CCDC87: variants seen among roughly 807,000 people sequenced by gnomAD.
CCDC87 encodes coiled-coil domain containing 87, also known as coiled-coil domain-containing protein 87.
For missense variants in CCDC87, 1,072 were observed against 1,041.7 expected (o/e 1.03, Z -0.40); for synonymous variants, 434 against 440.2 (o/e 0.99, Z 0.18).
rs150176794 is a variant in CCDC87 at position 66,592,735 on chromosome 11, C to G, written c.281G>C (p.Ser94Thr). The stretch of plus-strand genomic sequence containing the variant: ...AAGTTCGGCGGGCGGCTCCCGCCAG[C>G]TGCACTTCAGCTCGTCCAGGATGAC... ...IKVILDELKC[S>T]WREPPAELSL... is the part of the protein sequence containing the mutation. Residue 94 changes from serine (S) to threonine (T), a missense_variant, in exon 1 of 1, where the codon AGC (serine) becomes ACC (threonine). By Grantham distance (58) the Ser-to-Thr change is moderately conservative. Transcript: ENST00000333861. 12 of 1,613,850 alleles carry G rather than the reference C, an allele frequency of 7.4e-6. No homozygotes were observed. The highest frequency in any genetic ancestry group is 1.3e-5 in the African/African-American group (1 of 74,956).
Position 66,590,710 on chromosome 11 carries a change from C to G in CCDC87, c.2306G>C (p.Arg769Pro), listed in dbSNP as rs754322153. Residue 769 changes from arginine to proline, a missense_variant, in exon 1 of 1, where the codon CGA becomes CCA. Arg to Pro is a moderately radical substitution (Grantham distance 103). Transcript: ENST00000333861. ...GTTGAGCTTCCTGTGGAGATGGCTTCGGACCTGATTCTCCTCCAGGAAGTG... is the reference window on the plus strand; with the variant it reads ...GTTGAGCTTCCTGTGGAGATGGCTTGGGACCTGATTCTCCTCCAGGAAGTG... ...SSHFLEENQV[R>P]SHLHRKLNLM... is the part of the protein sequence containing the mutation. 6.2e-7 allele frequency: 1 copy of G among 1,613,852 alleles called. No individual in the cohort carries two copies.
Position 66,591,029 on chromosome 11 carries a change from G to A in CCDC87, c.1987C>T (p.Leu663=), listed in dbSNP as rs545124221. ...WDWNTVLEHR[L]GAGKTPHLGE... Reference sequence around the variant, plus strand: ...AGGTGGGGTGTCTTCCCAGCTCCTAGCCTGTGCTCTAGCACAGTGTTCCAA... The same window carrying A: ...AGGTGGGGTGTCTTCCCAGCTCCTAACCTGTGCTCTAGCACAGTGTTCCAA... The change falls in exon 1 of 1, where the codon CTA becomes TTA. Residue 663 remains leucine, a synonymous_variant. Coordinates refer to ENST00000333861, the MANE Select transcript of CCDC87 (RefSeq NM_018219.3). The A allele has an allele frequency of 8.7e-6, 14 of 1,614,112 alleles. No individual in the cohort carries two copies. The East Asian group carries it at 1.6e-4, about 18-fold the overall frequency.
At position 66,591,699 on chromosome 11, in the gene CCDC87, G is replaced by A. The variant is rs375306181; in HGVS notation, c.1317C>T (p.Val439=). Residue 439 remains valine (V), a synonymous_variant, in exon 1 of 1, where the codon GTC becomes GTT. Coordinates refer to ENST00000333861, the MANE Select transcript of CCDC87 (RefSeq NM_018219.3). ...VTITLKLRNE[V]VVQAAAVRVS... ...CCCGTACGGCAGCCGCCTGGACCACGACCTCATTTCTAAGCTTCAAAGTAA... is the reference window on the plus strand; with the variant it reads ...CCCGTACGGCAGCCGCCTGGACCACAACCTCATTTCTAAGCTTCAAAGTAA... 36 of 1,613,464 alleles carry A rather than the reference G, an allele frequency of 2.2e-5. No individual in the cohort carries two copies. In the East Asian group the frequency reaches 2.7e-4, roughly 12 times the overall value.
In CCDC87 at chr11:66,590,735, G is replaced by T. The variant is rs368730010; in HGVS notation, c.2281C>A (p.His761Asn). 1.9e-6 allele frequency: 3 copies of T among 1,613,350 alleles called. No homozygotes were observed. The highest frequency in any genetic ancestry group is 2.5e-6 in the Non-Finnish European group (3 of 1,180,040). ...FFKKTNLSSS[H>N]FLEENQVRSH... ...CGGACCTGATTCTCCTCCAGGAAGT[G>T]ACTGGAGCTCAAGTTGGTCTTTTTG... The change falls in exon 1 of 1, where the codon CAC becomes AAC. Residue 761 changes from histidine to asparagine, a missense_variant. His to Asn is a moderately conservative substitution (Grantham distance 68). Transcript: ENST00000333861.
In CCDC87 at chr11:66,590,358, C is replaced by T. The variant is rs1168502692; in HGVS notation, c.*108G>A. On this transcript the variant is annotated 3_prime_UTR_variant, in exon 1 of 1. Coordinates refer to ENST00000333861, the MANE Select transcript of CCDC87 (RefSeq NM_018219.3). ...CAGATATAGACAAATATTTCTTCTTCCAAAGCAGTAAAGAGGTCTAGATGA... is the reference window on the plus strand; with the variant it reads ...CAGATATAGACAAATATTTCTTCTTTCAAAGCAGTAAAGAGGTCTAGATGA... The T allele has an allele frequency of 3.7e-6, 3 of 800,186 alleles. No individual in the cohort carries two copies. Among genetic ancestry groups the T allele is most frequent in the Non-Finnish European group, 6.1e-6 (3 of 488,556 alleles). 49.6% of individuals were successfully genotyped at this position (800,186 alleles called of 1,614,324 possible).
rs1858353462 is a variant in CCDC87 at position 66,591,398 on chromosome 11, T to C, written c.1618A>G (p.Ile540Val). 2.5e-6 allele frequency: 4 copies of C among 1,614,124 alleles called. No homozygotes were observed. Among genetic ancestry groups the C allele is most frequent in the South Asian group, 1.1e-5 (1 of 91,084 alleles). Residue 540 changes from isoleucine (I) to valine (V), a missense_variant, in exon 1 of 1, where the codon ATC becomes GTC. Coordinates refer to ENST00000333861, the MANE Select transcript of CCDC87 (RefSeq NM_018219.3). ...AGTCCAACCAGCTCAGGGTTGATGA[T>C]TTGAGGCTGTTTTTCTTGACGTAGA... ...AFLRQEKQPQ[I>V]INPELVGLYS...
chr11:66,592,468 A>G lies in CCDC87; in HGVS notation c.548T>C (p.Leu183Pro). The G allele has an allele frequency of 6.2e-7, 1 of 1,613,912 alleles. No individual in the cohort carries two copies. The stretch of plus-strand genomic sequence containing the variant: ...ATCCCCAGAGGCCTGCTCTGCCCTC[A>G]GCAGGGCCTGGAAGTCGGCAAGCAG... Reference protein sequence around the residue: ...RGLLADFQALLRAEQASGDVD... With the variant: ...RGLLADFQALPRAEQASGDVD... Residue 183 changes from leucine (L) to proline (P), a missense_variant, in exon 1 of 1, where the codon CTG (leucine) becomes CCG (proline). Physicochemically the swap from Leu to Pro is moderately conservative, Grantham distance 98 (BLOSUM62 -3). Transcript: ENST00000333861.
Position 66,592,224 on chromosome 11 carries a change from G to C in CCDC87, c.792C>G (p.Phe264Leu). Reference sequence around the variant, plus strand: ...TCTTTCCTATGGAGGGCAGCCAGTGGAAAGGCTTTTTCCTCTTCAACCGAG... The same window carrying C: ...TCTTTCCTATGGAGGGCAGCCAGTGCAAAGGCTTTTTCCTCTTCAACCGAG... ...SIPRLKRKKPFHWLPSIGKKR... is the reference protein window; with the variant it reads ...SIPRLKRKKPLHWLPSIGKKR... Residue 264 changes from phenylalanine to leucine, a missense_variant, in exon 1 of 1, where the codon TTC becomes TTG. Physicochemically the swap from Phe to Leu is conservative, Grantham distance 22. Coordinates refer to ENST00000333861, the MANE Select transcript of CCDC87 (RefSeq NM_018219.3). 6.2e-7 allele frequency: 1 copy of C among 1,612,558 alleles called. No homozygotes were observed. The highest frequency in any genetic ancestry group is 8.5e-7 in the Non-Finnish European group (1 of 1,179,238).
Position 66,590,849 on chromosome 11 carries a change from G to A in CCDC87, c.2167C>T (p.Arg723Trp), listed in dbSNP as rs374530115. The A allele has an allele frequency of 4.2e-5, 68 of 1,613,692 alleles. No homozygotes were observed. The highest frequency in any genetic ancestry group is 9.9e-5 in the South Asian group (9 of 91,092). Reference sequence around the variant, plus strand: ...CGCAGCTGAATGGGCTTCAGGGCCCGCTCCCAGGCATTCACCAATGAAGGC... The same window carrying A: ...CGCAGCTGAATGGGCTTCAGGGCCCACTCCCAGGCATTCACCAATGAAGGC... ...QLPSLVNAWE[R>W]ALKPIQLREA... The change falls in exon 1 of 1, where the codon CGG (arginine) becomes TGG (tryptophan). Residue 723 changes from arginine (R) to tryptophan (W), a missense_variant. Arg to Trp is a moderately radical substitution (Grantham distance 101). Coordinates refer to ENST00000333861, the MANE Select transcript of CCDC87 (RefSeq NM_018219.3).
Position 66,591,979 on chromosome 11 carries a change from G to A in CCDC87, c.1037C>T (p.Pro346Leu), listed in dbSNP as rs139489472. ...AGCCACGATGAGCCCAGTCAGCTCTGGTTTGCTCTCTGTAGCCAAGACCAG... is the reference window on the plus strand; with the variant it reads ...AGCCACGATGAGCCCAGTCAGCTCTAGTTTGCTCTCTGTAGCCAAGACCAG... ...TPLVLATESK[P>L]ELTGLIVAED... The change falls in exon 1 of 1, where the codon CCA (proline) becomes CTA (leucine). Residue 346 changes from proline (P) to leucine (L), a missense_variant. Pro to Leu is a moderately conservative substitution (Grantham distance 98). Transcript: ENST00000333861. 356 of 1,613,776 alleles carry A rather than the reference G, an allele frequency of 2.2e-4. No individual in the cohort carries two copies. Among genetic ancestry groups the A allele is most frequent in the Middle Eastern group, 3.3e-4 (2 of 6,084 alleles).
Position 66,591,305 on chromosome 11 carries a change from C to T in CCDC87, c.1711G>A (p.Ala571Thr). ...GACCACTTCTCCCAGCTTTTGGTAG[C>T]TTGGAGTGATGGGAGGGAGGGCATC... ...KKMPSLPSLQATKSWEKWSNK... is the reference protein window; with the variant it reads ...KKMPSLPSLQTTKSWEKWSNK... Residue 571 changes from alanine to threonine, a missense_variant, in exon 1 of 1, where the codon GCT (alanine) becomes ACT (threonine). Transcript: ENST00000333861. The T allele has an allele frequency of 6.2e-7, 1 of 1,614,152 alleles. No homozygotes were observed. The highest frequency in any genetic ancestry group is 1.6e-4 in the Middle Eastern group (1 of 6,062).
At position 66,591,101 on chromosome 11, in the gene CCDC87, G is replaced by A; in HGVS notation, c.1915C>T (p.Pro639Ser). 6.2e-7 allele frequency: 1 copy of A among 1,614,120 alleles called. No homozygotes were observed. Among genetic ancestry groups the A allele is most frequent in the Non-Finnish European group, 8.5e-7 (1 of 1,180,034 alleles). The change falls in exon 1 of 1, where the codon CCA (proline) becomes TCA (serine). Residue 639 changes from proline (P) to serine (S), a missense_variant. Pro to Ser is a moderately conservative substitution (Grantham distance 74). Coordinates refer to ENST00000333861, the MANE Select transcript of CCDC87 (RefSeq NM_018219.3). ...RESLEIQHPPPLLEDEEPDFV... is the reference protein window; with the variant it reads ...RESLEIQHPPSLLEDEEPDFV... ...TCTGGTTCTTCATCTTCTAGCAATG[G>A]GGGAGGGTGCTGAATCTCTAGGGAC...
chr11:66,591,772 T>C lies in CCDC87; in HGVS notation c.1244A>G (p.Asp415Gly). 6.2e-7 allele frequency: 1 copy of C among 1,613,508 alleles called. No individual in the cohort carries two copies. Among genetic ancestry groups the C allele is most frequent in the Non-Finnish European group, 8.5e-7 (1 of 1,179,960 alleles). ...TGGAAAGGATTTGGGGGGCTGGGGG[T>C]CCCACTGCCCAGAGGCTTCTTCCTC... The part of the protein sequence containing the change: ...LQEEEASGQW[D>G]PQPPKSFPLH... The change falls in exon 1 of 1, where the codon GAC (aspartate) becomes GGC (glycine). Residue 415 changes from aspartate (D) to glycine (G), a missense_variant. By Grantham distance (94) the Asp-to-Gly change is moderately conservative. Coordinates refer to ENST00000333861, the MANE Select transcript of CCDC87 (RefSeq NM_018219.3).
At position 66,592,823 on chromosome 11, in the gene CCDC87, G is replaced by A; in HGVS notation, c.193C>T (p.Leu65=). The change falls in exon 1 of 1, where the codon CTG becomes TTG. Residue 65 remains leucine (L), a synonymous_variant. Transcript: ENST00000333861. ...GCTGCTATCCCGCTGCCGGCCAGCA[G>A]CTTGGCCACCTGGCTGCACAGCGAC... ...VASLCSQVAK[L]LAGSGIAAGV... is the part of the protein sequence containing the mutation. 1 of 1,595,374 alleles carries A rather than the reference G, an allele frequency of 6.3e-7. No homozygotes were observed. Among genetic ancestry groups the A allele is most frequent in the Non-Finnish European group, 8.6e-7 (1 of 1,169,534 alleles).
chr11:66,592,046 C>A lies in CCDC87; in HGVS notation c.970G>T (p.Glu324Ter). The A allele has an allele frequency of 2.5e-6, 4 of 1,613,200 alleles. No individual in the cohort carries two copies. The highest frequency in any genetic ancestry group is 2.5e-6 in the Non-Finnish European group (3 of 1,179,588). ...GATGGGAGTGGAGGAAGGCCCAACT[C>A]ATCTGCCAGCCTCCAGCCCTCACGC... ...SLREGWRLAD[E>*]LGLPPLPSRP... The change falls in exon 1 of 1, where the codon GAG becomes TAG. Residue 324 changes from glutamate to a stop codon, truncating the protein, a stop_gained. Transcript: ENST00000333861. LOFTEE classifies it low-confidence loss of function (END_TRUNC).
At position 66,592,282 on chromosome 11, in the gene CCDC87, C is replaced by T; in HGVS notation, c.734G>A (p.Arg245Lys). 1 of 1,614,228 alleles carries T rather than the reference C, an allele frequency of 6.2e-7. No homozygotes were observed. The stretch of plus-strand genomic sequence containing the variant: ...CTTCAATTCCTTCACTGGATCCATC[C>T]TTCCTGGCTCATTGAGAAACTCTGG... ...RPPEFLNEPG[R>K]MDPVKELKSI... The change falls in exon 1 of 1, where the codon AGG becomes AAG. Residue 245 changes from arginine to lysine, a missense_variant. By Grantham distance (26) the Arg-to-Lys change is conservative (BLOSUM62 2). Transcript: ENST00000333861.
In CCDC87 at chr11:66,592,428, G is replaced by T. The variant is rs1339061372; in HGVS notation, c.588C>A (p.His196Gln). 6.2e-7 allele frequency: 1 copy of T among 1,613,998 alleles called. No individual in the cohort carries two copies. Among genetic ancestry groups the T allele is most frequent in the Admixed American group, 1.7e-5 (1 of 60,012 alleles). The change falls in exon 1 of 1, where the codon CAC (histidine) becomes CAA (glutamine). Residue 196 changes from histidine (H) to glutamine (Q), a missense_variant. By Grantham distance (24) the His-to-Gln change is conservative (BLOSUM62 0). Coordinates refer to ENST00000333861, the MANE Select transcript of CCDC87 (RefSeq NM_018219.3). ...TGAACGTCCCAGCGGGGCAGACAGG[G>T]TGCAGCTTGTCCACATCCCCAGAGG... ...EQASGDVDKL[H>Q]PVCPAGTFKL... is the part of the protein sequence containing the mutation.
rs1236687660 is a variant in CCDC87, at chr11:66,591,569, T to C, written c.1447A>G (p.Ile483Val). 6.2e-7 allele frequency: 1 copy of C among 1,614,166 alleles called. No homozygotes were observed. The highest frequency in any genetic ancestry group is 8.5e-7 in the Non-Finnish European group (1 of 1,180,032). The change falls in exon 1 of 1, where the codon ATT becomes GTT. Residue 483 changes from isoleucine (I) to valine (V), a missense_variant. Ile to Val is a conservative substitution (Grantham distance 29). Coordinates refer to ENST00000333861, the MANE Select transcript of CCDC87 (RefSeq NM_018219.3). ...LDPKAIEKMD[I>V]DNFVGSTTRE... ...GTAGTACTGCCAACAAAGTTATCAA[T>C]ATCCATTTTTTCAATGGCTTTGGGA...
Position 66,590,743 on chromosome 11 carries a change from C to T in CCDC87, c.2273G>A (p.Ser758Asn), listed in dbSNP as rs1271287771. The change falls in exon 1 of 1, where the codon AGC becomes AAC. Residue 758 changes from serine to asparagine, a missense_variant. Coordinates refer to ENST00000333861, the MANE Select transcript of CCDC87 (RefSeq NM_018219.3). Reference sequence around the variant, plus strand: ...ATTCTCCTCCAGGAAGTGACTGGAGCTCAAGTTGGTCTTTTTGAAGAAGCG... The same window carrying T: ...ATTCTCCTCCAGGAAGTGACTGGAGTTCAAGTTGGTCTTTTTGAAGAAGCG... The part of the protein sequence containing the change: ...PNRFFKKTNL[S>N]SSHFLEENQV... The T allele has an allele frequency of 6.2e-7, 1 of 1,613,172 alleles. No homozygotes were observed. The highest frequency in any genetic ancestry group is 8.5e-7 in the Non-Finnish European group (1 of 1,180,056).
Sources: allele counts gnomAD v4.1 joint callset, GRCh38; gene constraint gnomAD v4.1.1; transcripts MANE v1.5; gene names NCBI Gene and HGNC (gene_info 2026-07-23, HGNC 2026-07-21).